The following FBLN1 variants were observed in gnomAD, a reference collection of about 807,000 sequenced individuals.
FBLN1 encodes the protein fibulin 1, also known as fibulin-1.
A neutral mutation model predicts 89.7 loss-of-function variants in FBLN1; 34 were observed. That is an observed-to-expected ratio of 0.38 (90% CI 0.29 to 0.50). The LOEUF (loss-of-function observed/expected upper bound fraction) is 0.50. Ranked by LOEUF, FBLN1 falls within the 20% of genes least tolerant of loss-of-function variation. The pLI, the probability that FBLN1 is intolerant of heterozygous loss-of-function variation, is 0.92. For synonymous variants in FBLN1, 393 were observed against 391.3 expected (o/e 1.00, Z -0.05); for missense variants, 777 against 988.1 (o/e 0.79, Z 2.86).
At chr22:45,503,228 C>G (rs2087971780) in intron 1 of FBLN1, 164 bp downstream of exon 1, 1 of 364,124 alleles carries the variant, frequency 2.7e-6, no homozygotes, top group Non-Finnish European at 4.6e-6. Context: ...CCCTCCCCCA[C>G]GGCCAGCTCC....
intron 11 of FBLN1, among the ~76,000 whole-genome samples, chr22:45,546,504 A>G (rs1460438298): frequency 1.3e-5 from 2 of 152,254 alleles, no homozygotes; most frequent in South Asian, 2.1e-4. Context: ...ATGAGCCACC[A>G]TGCCTTGCCG....
intron 9 of FBLN1, 46 bp from the exon 10 acceptor site, chr22:45,542,109 A>C: frequency 1.2e-6 from 2 of 1,613,510 alleles, no homozygotes; most frequent in Non-Finnish European, 1.7e-6. Flanking sequence ...GGGGGAAAAA[A>C]CCCAAACTAA....
At chr22:45,525,415 TTCTCTC>T in intron 2 of FBLN1, 122 bp from the exon 3 acceptor site, 2 of 852,198 alleles carry the variant, frequency 2.3e-6, no homozygotes, top group Non-Finnish European at 3.7e-6. Context: ...CACTGTGTAT[TTCTCTC>T]TCTGTGTCTG....
In FBLN1 at chr22:45,532,962, T is replaced by A. The variant is rs1424308965; in HGVS notation, c.545-101T>A. On this transcript the variant is annotated intron_variant, in intron 5 of 16. Coordinates refer to ENST00000327858, the MANE Select transcript of FBLN1 (RefSeq NM_006486.3). This position sits in a 1 kb window ranked among gnomAD's most constrained non-coding sequence, Gnocchi z 4.2. Reference sequence around the variant, plus strand: ...AGGTCAGCCTGCCTTCCTGGGTTCGTCTGCCCAGAGGGCGTTTTCTATGAC... The same window carrying A: ...AGGTCAGCCTGCCTTCCTGGGTTCGACTGCCCAGAGGGCGTTTTCTATGAC... 4 of 1,095,148 alleles carry A rather than the reference T, an allele frequency of 3.7e-6. No homozygotes were observed. In the African/African-American group the frequency reaches 4.6e-5, roughly 13 times the overall value. The allele number at this position is 1,095,148 out of a possible 1,614,324, so 67.8% of individuals were successfully genotyped here. A position where few individuals can be genotyped will look rare whatever the true frequency, so the allele number is the denominator to read the frequency against.
At chr22:45,522,450 G>A (rs1353301348) in intron 2 of FBLN1, among the ~76,000 whole-genome samples, 1 of 152,214 alleles carries the variant, frequency 6.6e-6, no homozygotes, top group Non-Finnish European at 1.5e-5. Flanking sequence ...GGCAGCAGTC[G>A]AGGGTGTGAG....
chr22:45,510,637 A>G (rs1218659831), intron 1 of FBLN1, among the ~76,000 whole-genome samples: 1 of 152,126 alleles, frequency 6.6e-6, no homozygotes, highest in Non-Finnish European at 1.5e-5. Context: ...GCAGGCTGAC[A>G]TTCTGGAAGC....
intron 16 of FBLN1, among the ~76,000 whole-genome samples, chr22:45,596,381 C>G (rs1226379341): frequency 1.3e-5 from 2 of 152,154 alleles, no homozygotes; most frequent in Admixed American, 6.5e-5. Flanking sequence ...CCCAGACTGA[C>G]CCCTGAGGAC....
intron 14 of FBLN1, among the ~76,000 whole-genome samples, chr22:45,559,679 A>G (rs2088829042): frequency 6.6e-6 from 1 of 152,166 alleles, no homozygotes; most frequent in Admixed American, 6.5e-5. Flanking sequence ...TTAAGCCCCT[A>G]TTTAACTGGA....
intron 14 of FBLN1, among the ~76,000 whole-genome samples, chr22:45,571,600 T>TA (rs2088953944): frequency 6.6e-6 from 1 of 152,268 alleles, no homozygotes; most frequent in South Asian, 2.1e-4. Flanking sequence ...AATGATGGGA[T>TA]ACTGCATGTC....
intron 14 of FBLN1, among the ~76,000 whole-genome samples, chr22:45,573,993 G>A (rs897786565): frequency 2.6e-5 from 4 of 151,604 alleles, no homozygotes; most frequent in South Asian, 2.1e-4. Flanking sequence ...CTGCCTCCCC[G>A]TCACCTGGTG....
rs560671885 is a variant in FBLN1 at position 45,575,210 on chromosome 22, G to C, written c.1840+557G>C. Among the ~76,000 whole-genome samples, 3 of 152,262 alleles carry C rather than the reference G, an allele frequency of 2.0e-5. No individual in the cohort carries two copies. The South Asian group carries it at 6.2e-4, about 32-fold the overall frequency. On this transcript the variant is annotated intron_variant, in intron 15 of 16. Coordinates refer to ENST00000327858, the MANE Select transcript of FBLN1 (RefSeq NM_006486.3). This position sits in a 1 kb window ranked among gnomAD's most constrained non-coding sequence, Gnocchi z 6.3. ...ATGGGTAACGGTTGTTCTGCAGAGA[G>C]CCATTAAGCGCTGATTCTGTGACCA...
chr22:45,529,081 G>A (rs73892704), intron 4 of FBLN1, among the ~76,000 whole-genome samples: 5,886 of 152,232 alleles, frequency 0.039, 343 homozygotes, highest in African/African-American at 0.13. Context: ...TCAGCTGCCC[G>A]GGGCAGCATG....
chr22:45,517,394 T>C (rs547864248), intron 1 of FBLN1: 9 of 357,004 alleles, frequency 2.5e-5, no homozygotes, highest in African/African-American at 1.9e-4. Context: ...GCTCCTCCCT[T>C]GGGGCACAAT....
chr22:45,565,228 C>A, intron 14 of FBLN1: 1 of 1,453,004 alleles, frequency 6.9e-7, no homozygotes. Flanking sequence ...TCTGAGCTTC[C>A]TTAGAACCTT....
At position 45,541,165 on chromosome 22, in the gene FBLN1, A is replaced by G. The variant is rs912010216; in HGVS notation, c.923-64A>G. On this transcript the variant is annotated intron_variant, in intron 8 of 16. Transcript: ENST00000327858. ...GGAAGGGGAGTTTCTTTGGAGATCC[A>G]GTTTTTGGGTTCTGGGACACCCTCC... The G allele has an allele frequency of 1.2e-5, 20 of 1,607,234 alleles. No individual in the cohort carries two copies. In the African/African-American group the frequency reaches 1.9e-4, roughly 15 times the overall value.
intron 16 of FBLN1, among the ~76,000 whole-genome samples, chr22:45,589,414 T>C (rs1464836330): frequency 1.3e-5 from 2 of 152,242 alleles, no homozygotes; most frequent in Middle Eastern, 3.4e-3. Context: ...GCACGGTCCA[T>C]AGCGTAGGTG....
At chr22:45,582,865 GT>G (rs2089054275) in intron 16 of FBLN1, among the ~76,000 whole-genome samples, 1 of 152,202 alleles carries the variant, frequency 6.6e-6, no homozygotes, top group Non-Finnish European at 1.5e-5. Context: ...TCTCTGAGAT[GT>G]TTTATACTCT....
Position 45,518,742 on chromosome 22 carries a change from A to G in FBLN1, c.140A>G (p.Gln47Arg). The G allele has an allele frequency of 1.2e-6, 2 of 1,612,524 alleles. No homozygotes were observed. Among genetic ancestry groups the G allele is most frequent in the East Asian group, 2.2e-5 (1 of 44,798 alleles). ...GACGGACACCGGATGGCCACTCATC[A>G]GAAGGACTGCTCGCTGCCATATGCT... The part of the protein sequence containing the change: ...CADGHRMATH[Q>R]KDCSLPYATE... Residue 47 changes from glutamine to arginine, a missense_variant, in exon 2 of 17, where the codon CAG becomes CGG. Physicochemically the swap from Gln to Arg is conservative, Grantham distance 43. Transcript: ENST00000327858.
intron 16 of FBLN1, among the ~76,000 whole-genome samples, chr22:45,595,566 G>A (rs2089176926): frequency 1.8e-5 from 2 of 111,434 alleles, no homozygotes; most frequent in Admixed American, 1.9e-4. Context: ...AATCAGCTTG[G>A]AGCTCTGGTC....
Sources: allele counts gnomAD v4.1 joint callset (sites outside exome capture counted in the v4.1 genomes callset), GRCh38; gene constraint gnomAD v4.1.1; non-coding constraint Gnocchi (gnomAD v3.1); transcripts MANE v1.5; gene names NCBI Gene and HGNC (gene_info 2026-07-23, HGNC 2026-07-21).